DCAF13: variants seen among roughly 807,000 people sequenced by gnomAD.
DCAF13 encodes DDB1 and CUL4 associated factor 13.
Under a neutral mutation model 59.0 loss-of-function variants are expected in DCAF13, and 38 were observed. The observed-to-expected ratio is 0.64, with a 90% CI of 0.50 to 0.84. DCAF13 has a LOEUF of 0.84. DCAF13 is among the 40% of genes least tolerant of loss of function. The probability of loss-of-function intolerance (pLI) is 0.00; values close to 1 mark genes in which losing one functional copy is unlikely to be tolerated. For missense variants in DCAF13, 469 were observed against 558.4 expected (o/e 0.84, Z 1.61); for synonymous variants, 173 against 175.0 (o/e 0.99, Z 0.09).
At chr8:103,423,379 G>A (rs1816748593) in intron 3 of DCAF13, among the ~76,000 whole-genome samples, 2 of 152,046 alleles carry the variant, frequency 1.3e-5, no homozygotes, top group African/African-American at 4.8e-5. Flanking sequence ...TCAGCCTTCA[G>A]AAAGAAGGAA....
chr8:103,430,558 G>GC lies in DCAF13; in HGVS notation c.625-54_625-53insC. 5 of 1,199,002 alleles carry GC rather than the reference G, an allele frequency of 4.2e-6. No individual in the cohort carries two copies. In the Admixed American group the frequency reaches 9.9e-5, roughly 24 times the overall value. 74.3% of individuals were successfully genotyped at this position (1,199,002 alleles called of 1,614,324 possible). The stretch of plus-strand genomic sequence containing the variant: ...TAAATCATTTGTTTACTGAATGGAT[G>GC]TGGTTTGCTGCCAGGTCTGGCTTTG... On this transcript the variant is annotated intron_variant, in intron 5 of 10. Coordinates refer to ENST00000612750, the MANE Select transcript of DCAF13 (RefSeq NM_015420.7).
At chr8:103,419,848 A>G (rs1816697390) in intron 1 of DCAF13, among the ~76,000 whole-genome samples, 1 of 151,980 alleles carries the variant, frequency 6.6e-6, no homozygotes, top group African/African-American at 2.4e-5. Flanking sequence ...ATCTCTACTA[A>G]AAATAGAAAA....
chr8:103,418,900 T>C lies in DCAF13; in HGVS notation c.71-1364T>C, dbSNP rs1342301473. On this transcript the variant is annotated intron_variant, in intron 1 of 10. Coordinates refer to ENST00000612750, the MANE Select transcript of DCAF13 (RefSeq NM_015420.7). ...TTTTTTTTTTTTTTTTTTTTTTTTT[T>C]TGAGATGAAGTCACACTCTGTCAGC... 2.7e-3 allele frequency among the ~76,000 whole-genome samples: 278 copies of C among 101,140 alleles called. 8 individuals are homozygous for C. Among genetic ancestry groups the C allele is most frequent in the African/African-American group, 9.7e-3 (257 of 26,524 alleles). The allele number at this position is 101,140 out of a possible 152,430, so 66.4% of individuals were successfully genotyped here.
intron 7 of DCAF13, among the ~76,000 whole-genome samples, chr8:103,434,404 G>A (rs1024019073): frequency 2.0e-5 from 3 of 151,988 alleles, no homozygotes; most frequent in Admixed American, 2.0e-4. Context: ...TTTTTCCCAT[G>A]TAGAAATAAA....
Position 103,427,164 on chromosome 8 carries a change from A to T in DCAF13, c.536A>T (p.Asp179Val), listed in dbSNP as rs773396420. 32 of 1,613,544 alleles carry T rather than the reference A, an allele frequency of 2.0e-5. 1 individual carries two copies. In the South Asian group the frequency reaches 3.5e-4, roughly 18 times the overall value. Residue 179 changes from aspartate to valine, a missense_variant, in exon 5 of 11, where the codon GAC becomes GTC. Asp to Val is a radical substitution (Grantham distance 152, BLOSUM62 -3). Transcript: ENST00000612750. ...AVFATCGQQVDIWDEQRTNPI... is the reference protein window; with the variant it reads ...AVFATCGQQVVIWDEQRTNPI... The stretch of plus-strand genomic sequence containing the variant: ...TTTGCCACATGTGGACAGCAAGTAG[A>T]CATTTGGGATGAACAAAGAACTAAT...
At chr8:103,430,529 CA>C in intron 5 of DCAF13, 82 bp from the exon 6 acceptor site, 1 of 835,868 alleles carries the variant, frequency 1.2e-6, no homozygotes. Context: ...ATATTAAGGG[CA>C]ATTAAATCAT....
chr8:103,421,943 A>G (rs1041124263), intron 3 of DCAF13, among the ~76,000 whole-genome samples: 21 of 152,228 alleles, frequency 1.4e-4, no homozygotes, highest in Admixed American at 9.8e-4. Flanking sequence ...ACAAATACCA[A>G]TTCAAGTTCA....
At chr8:103,421,908 A>G (rs764752514) in intron 3 of DCAF13, among the ~76,000 whole-genome samples, 8 of 152,188 alleles carry the variant, frequency 5.3e-5, no homozygotes, top group Non-Finnish European at 8.8e-5. Flanking sequence ...GCTATTGTGA[A>G]TAGTGTTGCC....
At chr8:103,427,517 T>C (rs370589281) in intron 5 of DCAF13, 1 of 424,930 alleles carries the variant, frequency 2.4e-6, no homozygotes, top group African/African-American at 2.0e-5. Flanking sequence ...CAAGTAAATA[T>C]AGTCTTGTTT....
At chr8:103,435,403 A>G (rs1816919337) in intron 7 of DCAF13, among the ~76,000 whole-genome samples, 1 of 152,090 alleles carries the variant, frequency 6.6e-6, no homozygotes, top group Non-Finnish European at 1.5e-5. Context: ...AATGAGATTT[A>G]TAGGGTGGAA....
At position 103,426,090 on chromosome 8, in the gene DCAF13, TGGATG is replaced by T; in HGVS notation, c.416_420del (p.Asp139AlafsTer23). The T allele has an allele frequency of 6.2e-7, 1 of 1,612,894 alleles. No homozygotes were observed. Among genetic ancestry groups the T allele is most frequent in the Non-Finnish European group, 8.5e-7 (1 of 1,179,424 alleles). On this transcript the variant is annotated frameshift_variant, in exon 4 of 11. Coordinates refer to ENST00000612750, the MANE Select transcript of DCAF13 (RefSeq NM_015420.7). LOFTEE classifies it high-confidence loss of function. ...GACAAAACTGTGAAGCAGTGGAAAA[TGGATG>T]GGCCAGGCTATGGAGACGAGGAAGA...
chr8:103,416,635 T>TGTGATTCTATCACA (rs1412171313), intron 1 of DCAF13, among the ~76,000 whole-genome samples: 2 of 152,248 alleles, frequency 1.3e-5, no homozygotes, highest in Non-Finnish European at 2.9e-5. Flanking sequence ...ACCCGTCTTC[T>TGTGATTCTATCACA]GTGATTCTAT....
intron 3 of DCAF13, among the ~76,000 whole-genome samples, chr8:103,423,210 G>A (rs1264067670): frequency 1.3e-5 from 2 of 151,946 alleles, no homozygotes; most frequent in Non-Finnish European, 2.9e-5. Flanking sequence ...CTCAGCCAGA[G>A]GACTTAGTGT....
At chr8:103,435,869 G>A in intron 8 of DCAF13, 79 bp downstream of exon 8, 1 of 1,429,180 alleles carries the variant, frequency 7.0e-7, no homozygotes, top group East Asian at 2.3e-5. Context: ...GAGTCATTGG[G>A]CGATTTCATC....
At chr8:103,427,404 C>G in intron 5 of DCAF13, 152 bp downstream of exon 5, 1 of 670,634 alleles carries the variant, frequency 1.5e-6, no homozygotes, top group East Asian at 2.7e-5. Flanking sequence ...GTTCTGATAC[C>G]TTTGCTCAAA....
intron 10 of DCAF13, chr8:103,441,821 A>C (rs1213053422): frequency 8.1e-6 from 4 of 492,702 alleles, no homozygotes; most frequent in Non-Finnish European, 1.4e-5. Flanking sequence ...TCTGGAGTGC[A>C]GTGGCACAAT....
chr8:103,418,840 A>T (rs111390264), intron 1 of DCAF13, among the ~76,000 whole-genome samples: 11 of 13,354 alleles, frequency 8.2e-4, no homozygotes, highest in East Asian at 2.3e-3. Context: ...ATATATATAT[A>T]TATATATATA....
rs1817011366 is a variant in DCAF13, at chr8:103,441,587, C to G, written c.1219C>G (p.Gln407Glu). 1 of 1,611,160 alleles carries G rather than the reference C, an allele frequency of 6.2e-7. No individual in the cohort carries two copies. The highest frequency in any genetic ancestry group is 8.5e-7 in the Non-Finnish European group (1 of 1,179,386). The stretch of plus-strand genomic sequence containing the variant: ...ATCTATCTATAGCCAGATTCAGGAA[C>G]AGCGCATCATGAAAGAAGCTCGTCG... ...PKSIYSQIQE[Q>E]RIMKEARRRK... is the part of the protein sequence containing the mutation. The change falls in exon 10 of 11, where the codon CAG (glutamine) becomes GAG (glutamate). Residue 407 changes from glutamine (Q) to glutamate (E), a missense_variant. Physicochemically the swap from Gln to Glu is conservative, Grantham distance 29 (BLOSUM62 2). Coordinates refer to ENST00000612750, the MANE Select transcript of DCAF13 (RefSeq NM_015420.7).
chr8:103,426,056 G>T lies in DCAF13; in HGVS notation c.379G>T (p.Val127Phe). Residue 127 changes from valine to phenylalanine, a missense_variant and splice_region_variant, in exon 4 of 11, where the codon GTT becomes TTT. Physicochemically the swap from Val to Phe is conservative, Grantham distance 50. Transcript: ENST00000612750. ...ATCATAATAAAACAAATATTTCTAG[G>T]TTGGTGATGACAAAACTGTGAAGCA... ...TRFCGTSFFTVGDDKTVKQWK... is the reference protein window; with the variant it reads ...TRFCGTSFFTFGDDKTVKQWK... 2 of 1,608,874 alleles carry T rather than the reference G, an allele frequency of 1.2e-6. No individual in the cohort carries two copies. The highest frequency in any genetic ancestry group is 1.7e-6 in the Non-Finnish European group (2 of 1,175,576).
Sources: gnomAD v4.1 joint callset for allele counts (sites outside exome capture counted in the v4.1 genomes callset) on GRCh38, gnomAD v4.1.1 for gene constraint, MANE v1.5 for transcripts, NCBI Gene and HGNC (gene_info 2026-07-23, HGNC 2026-07-21) for gene names.